The following CSMD1 variants were observed in gnomAD, a reference collection of about 807,000 sequenced individuals.
CSMD1 encodes the protein CUB and Sushi multiple domains 1.
In CSMD1, 213 loss-of-function variants were observed where a neutral mutation model predicts 417.5. The ratio of observed to expected loss-of-function variants is 0.51; its 90% CI spans 0.46 to 0.57. CSMD1 has a LOEUF of 0.57. Ranked by LOEUF, CSMD1 falls within the 20% of genes least tolerant of loss-of-function variation. CSMD1 has a pLI of 0.00. For synonymous variants in CSMD1, 2,862 were observed against 1,736.8 expected, an observed-to-expected ratio of 1.65 and a Z score of -16.11; for missense variants, 6,923 against 4,529.7, an observed-to-expected ratio of 1.53 and a Z score of -15.17.
chr8:3,077,688 C>T (rs913413227), intron 49 of CSMD1, among the ~76,000 whole-genome samples: 3 of 152,266 alleles, frequency 2.0e-5, no homozygotes, highest in East Asian at 1.9e-4. Context: ...TTACCCACTG[C>T]AGCCCCGACC....
At chr8:3,249,187 A>G (rs1800092696) in intron 26 of CSMD1, among the ~76,000 whole-genome samples, 1 of 152,160 alleles carries the variant, frequency 6.6e-6, no homozygotes, top group Admixed American at 6.5e-5. Flanking sequence ...AACGATATGA[A>G]GAATCAAGAT....
intron 5 of CSMD1, among the ~76,000 whole-genome samples, chr8:3,867,387 T>G (rs1236362133): frequency 6.6e-6 from 1 of 152,006 alleles, no homozygotes; most frequent in Non-Finnish European, 1.5e-5. Flanking sequence ...TACCCCAAAT[T>G]TCCATTCTTT....
At chr8:3,537,068 A>G (rs577724847) in intron 10 of CSMD1, among the ~76,000 whole-genome samples, 1 of 152,058 alleles carries the variant, frequency 6.6e-6, no homozygotes, top group African/African-American at 2.4e-5. Context: ...CAGTGGCACT[A>G]TCTCAGCTCA....
intron 3 of CSMD1, among the ~76,000 whole-genome samples, chr8:4,349,706 A>G (rs1800975994): frequency 6.6e-6 from 1 of 152,188 alleles, no homozygotes; most frequent in Non-Finnish European, 1.5e-5. Flanking sequence ...ACCTATAAAT[A>G]CAATCATCAG....
intron 5 of CSMD1, among the ~76,000 whole-genome samples, chr8:3,790,127 C>T (rs923500705): frequency 2.6e-5 from 4 of 152,142 alleles, no homozygotes; most frequent in South Asian, 2.1e-4. Context: ...TAGTTATTTT[C>T]GAATTTAAAT....
chr8:4,114,663 T>C (rs1162831676), intron 3 of CSMD1, among the ~76,000 whole-genome samples: 2 of 152,200 alleles, frequency 1.3e-5, no homozygotes, highest in East Asian at 1.9e-4. Flanking sequence ...CTAGATGCCA[T>C]TAAGAAAAAT....
chr8:4,292,974 C>A (rs111949826), intron 3 of CSMD1, among the ~76,000 whole-genome samples: 1 of 152,166 alleles, frequency 6.6e-6, no homozygotes, highest in African/African-American at 2.4e-5. Flanking sequence ...AGGCAAAAGA[C>A]GTGAACAGTC....
chr8:3,681,854 T>C lies in CSMD1; in HGVS notation c.1009+26560A>G, dbSNP rs376931611. 6.6e-5 allele frequency among the ~76,000 whole-genome samples: 10 copies of C among 152,152 alleles called. No individual in the cohort carries two copies. The East Asian group carries it at 1.6e-3, about 24-fold the overall frequency. Reference sequence around the variant, plus strand: ...GTACCAAAACAGAGATATAGACCAATGGAACAGAACAGAGCCCTCAGAAAT... The same window carrying C: ...GTACCAAAACAGAGATATAGACCAACGGAACAGAACAGAGCCCTCAGAAAT... On this transcript the variant is annotated intron_variant, in intron 7 of 69. Transcript: ENST00000635120.
chr8:4,351,233 G>T (rs1325927217), intron 3 of CSMD1, among the ~76,000 whole-genome samples: 3 of 151,928 alleles, frequency 2.0e-5, no homozygotes, highest in African/African-American at 4.8e-5. Flanking sequence ...GATACCTAAA[G>T]CTCCATCTAC....
At chr8:4,860,463 C>G (rs943075563) in intron 1 of CSMD1, among the ~76,000 whole-genome samples, 4 of 151,922 alleles carry the variant, frequency 2.6e-5, no homozygotes, top group African/African-American at 4.8e-5. Context: ...GCCCTGCTCT[C>G]GCCATGTAAT....
At chr8:3,961,946 T>C (rs1563258080) in intron 5 of CSMD1, among the ~76,000 whole-genome samples, 1 of 152,192 alleles carries the variant, frequency 6.6e-6, no homozygotes, top group Non-Finnish European at 1.5e-5. Context: ...CTTCCTCAAA[T>C]ACCACATATT....
rs138230716 is a variant in CSMD1 at position 3,178,970 on chromosome 8, C to T, written c.5725+2140G>A. On this transcript the variant is annotated intron_variant, in intron 37 of 69. Coordinates refer to ENST00000635120, the MANE Select transcript of CSMD1 (RefSeq NM_033225.6). ...TTTCTTTTTTTTTTTTTTTTTGAGA[C>T]GGAGTCTCACTCTGTCACCCAGGCT... Among the ~76,000 whole-genome samples the T allele has an allele frequency of 2.4e-3, 336 of 138,416 alleles. 4 individuals carry two copies. In the East Asian group the frequency reaches 0.038, roughly 16 times the overall value. The allele number at this position is 138,416 out of a possible 152,430, so 90.8% of individuals were successfully genotyped here. A position where few individuals can be genotyped will look rare whatever the true frequency, so the allele number is the denominator to read the frequency against.
intron 6 of CSMD1, among the ~76,000 whole-genome samples, chr8:3,742,914 C>A (rs988442803): frequency 6.6e-6 from 1 of 152,164 alleles, no homozygotes; most frequent in Non-Finnish European, 1.5e-5. Context: ...CGTGCGAATG[C>A]GCTGAGCAGC....
At chr8:3,417,455 T>C (rs1011553263) in intron 12 of CSMD1, among the ~76,000 whole-genome samples, 11 of 152,250 alleles carry the variant, frequency 7.2e-5, no homozygotes, top group Non-Finnish European at 1.5e-4. Flanking sequence ...AAAGCAATGT[T>C]GTCTAGCTTG....
At chr8:4,138,205 ATTT>A (rs562419797) in intron 3 of CSMD1, among the ~76,000 whole-genome samples, 4,156 of 69,422 alleles carry the variant, frequency 0.06, 296 homozygotes, top group African/African-American at 0.12. Flanking sequence ...GCAGCCTTAC[ATTT>A]TTTTTTTTTT....
rs143910374 is a variant in CSMD1 at position 4,833,050 on chromosome 8, T to C, written c.85+161282A>G. The stretch of plus-strand genomic sequence containing the variant: ...CAATAGCTTACATTAGAACATCTTA[T>C]GCGGAAAGTATATACCACTTGCCAA... On this transcript the variant is annotated intron_variant, in intron 1 of 69. Coordinates refer to ENST00000635120, the MANE Select transcript of CSMD1 (RefSeq NM_033225.6). 7.7e-3 allele frequency among the ~76,000 whole-genome samples: 1,180 copies of C among 152,316 alleles called. 20 individuals carry two copies. The highest frequency in any genetic ancestry group is 0.027 in the African/African-American group (1,132 of 41,574).
At chr8:3,067,884 C>G (rs982599247) in intron 49 of CSMD1, among the ~76,000 whole-genome samples, 17 of 152,032 alleles carry the variant, frequency 1.1e-4, no homozygotes, top group African/African-American at 4.1e-4. Context: ...TTTCAGGGGT[C>G]ACTGTTGTCC....
At chr8:3,803,494 A>G (rs1226864297) in intron 5 of CSMD1, among the ~76,000 whole-genome samples, 1 of 152,204 alleles carries the variant, frequency 6.6e-6, no homozygotes, top group Non-Finnish European at 1.5e-5. Context: ...CTGAATAACA[A>G]GAAGAGCCCA....
chr8:3,402,243 A>G (rs988108352), intron 15 of CSMD1, among the ~76,000 whole-genome samples: 1 of 152,076 alleles, frequency 6.6e-6, no homozygotes, highest in Non-Finnish European at 1.5e-5. Context: ...GTCTTTTTCA[A>G]TGTTCAATCC....
Sources: gnomAD v4.1 joint callset for allele counts (sites outside exome capture counted in the v4.1 genomes callset) on GRCh38, gnomAD v4.1.1 for gene constraint, MANE v1.5 for transcripts, NCBI Gene and HGNC (gene_info 2026-07-23, HGNC 2026-07-21) for gene names.